Variants in ZKSCAN7 observed in about 807,000 individuals in gnomAD.
ZKSCAN7 encodes zinc finger protein with KRAB and SCAN domains 7.
ZKSCAN7 carries 38 observed loss-of-function variants against 65.3 expected under a neutral mutation model. The ratio of observed to expected loss-of-function variants is 0.58; its 90% CI spans 0.45 to 0.76. The LOEUF (loss-of-function observed/expected upper bound fraction) is 0.76. Among genes scored for constraint, ZKSCAN7 ranks in the 30% least tolerant of loss-of-function variants. The probability of loss-of-function intolerance (pLI) is 0.00; values close to 1 mark genes in which losing one functional copy is unlikely to be tolerated. For synonymous variants in ZKSCAN7, 321 were observed against 321.0 expected (o/e 1.00, Z 0.00); for missense variants, 815 against 913.3 (o/e 0.89, Z 1.39).
At chr3:44,573,009 G>GA (rs1445595581), downstream of ZKSCAN7, among the ~76,000 whole-genome samples, 4 of 152,084 alleles carry the variant, frequency 2.6e-5, no homozygotes, top group Non-Finnish European at 4.4e-5. Flanking sequence ...AGATTCACAG[G>GA]AATCTGTTTT....
At position 44,570,919 on chromosome 3, in the gene ZKSCAN7, A is replaced by G; in HGVS notation, c.1809A>G (p.Gly603=). 1.2e-6 allele frequency: 2 copies of G among 1,614,130 alleles called. No homozygotes were observed. Among genetic ancestry groups the G allele is most frequent in the South Asian group, 2.2e-5 (2 of 91,086 alleles). The change falls in exon 6 of 6, where the codon GGA becomes GGG. Residue 603 remains glycine, a synonymous_variant. Coordinates refer to ENST00000426540, the MANE Select transcript of ZKSCAN7 (RefSeq NM_001288590.2). ...QLIEHERIHT[G]EKPFECSECG... ...TTGAGCATGAGCGAATTCATACTGG[A>G]GAAAAACCTTTTGAATGTAGCGAGT...
chr3:44,557,495 G>A (rs373985394), intron 2 of ZKSCAN7, 25 bp downstream of exon 2: 41 of 1,612,624 alleles, frequency 2.5e-5, no homozygotes, highest in African/African-American at 5.3e-5. Flanking sequence ...CTAGAATGGC[G>A]GCCTGATGCT....
At chr3:44,558,977 T>C (rs554761715) in intron 2 of ZKSCAN7, among the ~76,000 whole-genome samples, 4 of 152,060 alleles carry the variant, frequency 2.6e-5, no homozygotes, top group South Asian at 2.1e-4. Context: ...GGTCTTGTTA[T>C]GTTGCCCAGG....
At chr3:44,580,663 G>A in intron 5 of ZKSCAN7, 1 of 1,613,926 alleles carries the variant, frequency 6.2e-7, no homozygotes, top group Non-Finnish European at 8.5e-7. Context: ...TCAGGCGTCA[G>A]AATACACAGG....
rs1434924417 is a variant in ZKSCAN7 at position 44,557,020 on chromosome 3, C to T, written c.-28C>T. 3.1e-6 allele frequency: 5 copies of T among 1,613,420 alleles called. No homozygotes were observed. The South Asian group carries it at 4.4e-5, about 14-fold the overall frequency. ...ATCATTTTAATCGGACCAACTGCAG[C>T]TGTAACAAGCTTCTCTTTGGGGTCA... On this transcript the variant is annotated 5_prime_UTR_variant, in exon 2 of 6. Transcript: ENST00000426540.
At position 44,560,022 on chromosome 3, in the gene ZKSCAN7, G is replaced by T. The variant is rs577482102; in HGVS notation, c.423+2552G>T. Among the ~76,000 whole-genome samples the T allele has an allele frequency of 7.3e-4, 111 of 152,278 alleles. 1 individual carries two copies. In the South Asian group the frequency reaches 0.014, roughly 19 times the overall value. On this transcript the variant is annotated intron_variant, in intron 2 of 5. Transcript: ENST00000426540. ...CTATTTCCTGCTTGGTTTTGCTTAA[G>T]AAGTTAATGCTTCCTCCATTAAAAC...
Position 44,570,026 on chromosome 3 carries a change from C to T in ZKSCAN7, c.916C>T (p.Pro306Ser). 1 of 1,613,494 alleles carries T rather than the reference C, an allele frequency of 6.2e-7. No homozygotes were observed. ...RTSGGLFGVV[P>S]GAAETGDVCE... ...ATCAGGGGGACTCTTTGGGGTGGTTCCTGGGGCAGCAGAGACTGGAGATGT... is the reference window on the plus strand; with the variant it reads ...ATCAGGGGGACTCTTTGGGGTGGTTTCTGGGGCAGCAGAGACTGGAGATGT... Residue 306 changes from proline to serine, a missense_variant, in exon 6 of 6, where the codon CCT becomes TCT. By Grantham distance (74) the Pro-to-Ser change is moderately conservative. Coordinates refer to ENST00000426540, the MANE Select transcript of ZKSCAN7 (RefSeq NM_001288590.2).
At chr3:44,566,796 CTTTT>C (rs35327396) in intron 3 of ZKSCAN7, among the ~76,000 whole-genome samples, 1 of 143,862 alleles carries the variant, frequency 7.0e-6, no homozygotes, top group Non-Finnish European at 1.5e-5. Context: ...ATGACCAGCT[CTTTT>C]TTTTTTTTTA....
chr3:44,580,248 C>T (rs1019479039), intron 5 of ZKSCAN7: 182 of 1,613,304 alleles, frequency 1.1e-4, no homozygotes, highest in Non-Finnish European at 1.5e-4. Flanking sequence ...GCTGCTCTCC[C>T]CCCGGACTTT....
At chr3:44,582,013 G>A (rs1223085084) in intron 5 of ZKSCAN7, among the ~76,000 whole-genome samples, 2 of 152,144 alleles carry the variant, frequency 1.3e-5, no homozygotes, top group Admixed American at 6.6e-5. Context: ...ATACGCACAT[G>A]GTGGCACTAT....
At chr3:44,576,138 G>A (rs11719869), downstream of ZKSCAN7, among the ~76,000 whole-genome samples, 41,739 of 151,906 alleles carry the variant, frequency 0.27, 6,255 homozygotes, top group Non-Finnish European at 0.32. Context: ...TTCTACTTCT[G>A]TGTAAATTTT....
At chr3:44,562,813 A>G (rs1699513123) in intron 2 of ZKSCAN7, among the ~76,000 whole-genome samples, 1 of 152,098 alleles carries the variant, frequency 6.6e-6, no homozygotes, top group African/African-American at 2.4e-5. Context: ...TACTAAAAAT[A>G]CAAAAAATTA....
downstream of ZKSCAN7, among the ~76,000 whole-genome samples, chr3:44,574,334 G>A (rs1205158815): frequency 6.6e-6 from 1 of 152,074 alleles, no homozygotes; most frequent in Non-Finnish European, 1.5e-5. Flanking sequence ...GGCTGGTCTT[G>A]AACTCCTGGG....
intron 5 of ZKSCAN7, chr3:44,579,977 G>T (rs200933907): frequency 4.2e-5 from 66 of 1,587,458 alleles, no homozygotes; most frequent in African/African-American, 1.3e-4. Flanking sequence ...GAGGAGCTTG[G>T]GGGGGGGCTT....
At chr3:44,558,904 G>A (rs1051336419) in intron 2 of ZKSCAN7, among the ~76,000 whole-genome samples, 2 of 148,236 alleles carry the variant, frequency 1.3e-5, no homozygotes, top group African/African-American at 5.0e-5. Context: ...TTAGCCTCCT[G>A]AGTAGCTGGT....
chr3:44,577,096 T>C (rs754841283), downstream of ZKSCAN7, among the ~76,000 whole-genome samples: 1 of 152,018 alleles, frequency 6.6e-6, no homozygotes, highest in Non-Finnish European at 1.5e-5. Flanking sequence ...CCTGAGTAGT[T>C]AGGACTACAG....
chr3:44,575,378 G>A (rs191087462), downstream of ZKSCAN7, among the ~76,000 whole-genome samples: 136 of 152,270 alleles, frequency 8.9e-4, no homozygotes, highest in African/African-American at 1.9e-3. Context: ...CAGCTCTTCC[G>A]TCTCTAAAGT....
chr3:44,557,668 C>A (rs1469876317), intron 2 of ZKSCAN7, 198 bp downstream of exon 2: 4 of 703,042 alleles, frequency 5.7e-6, no homozygotes, highest in Admixed American at 3.0e-5. Flanking sequence ...CTCTGTGATT[C>A]ACCCTGTGAA....
At chr3:44,555,541 C>T (rs1383620218) in intron 1 of ZKSCAN7, 60 bp downstream of exon 1, 2 of 152,270 alleles carry the variant, frequency 1.3e-5, no homozygotes, top group Admixed American at 6.5e-5. Context: ...TTTCCCAGCT[C>T]TTGCAGTAGG....
Sources: gnomAD v4.1 joint callset for allele counts (sites outside exome capture counted in the v4.1 genomes callset) on GRCh38, gnomAD v4.1.1 for gene constraint, MANE v1.5 for transcripts, NCBI Gene and HGNC (gene_info 2026-07-23, HGNC 2026-07-21) for gene names.